The following CSMD1 variants were observed in gnomAD, a reference collection of about 807,000 sequenced individuals.
CSMD1 encodes the protein CUB and Sushi multiple domains 1, also known as CUB and sushi domain-containing protein 1.
In CSMD1, 213 loss-of-function variants were observed where a neutral mutation model predicts 417.5. The ratio of observed to expected loss-of-function variants is 0.51; its 90% confidence interval spans 0.46 to 0.57. The LOEUF is 0.57. Ranked by LOEUF, CSMD1 falls within the 20% of genes least tolerant of loss-of-function variation. CSMD1 has a pLI of 0.00. For missense variants in CSMD1, 6,923 were observed against 4,529.7 expected (o/e 1.53, Z -15.17); for synonymous variants, 2,862 against 1,736.8 (o/e 1.65, Z -16.11).
intron 1 of CSMD1, among the ~76,000 whole-genome samples, chr8:4,851,599 T>C (rs757602520): frequency 2.6e-5 from 4 of 152,134 alleles, no homozygotes; most frequent in Admixed American, 6.5e-5. Context: ...CAATAGCCTA[T>C]CCAACTCCAT....
rs372715006 is a variant in CSMD1, at chr8:4,191,076, T to C, written c.416-158977A>G. ...TTTACCTATGTAACTAAGATACACA[T>C]GGATTAAAATAAAATAAAAGTTGAA... is the stretch of plus-strand genomic sequence containing the variant. On this transcript the variant is annotated intron_variant, in intron 3 of 69. Transcript: ENST00000635120. 5.4e-5 allele frequency among the ~76,000 whole-genome samples: 8 copies of C among 147,892 alleles called. No individual in the cohort carries two copies. In the East Asian group the frequency reaches 1.2e-3, roughly 21 times the overall value.
chr8:3,009,873 GT>G (rs1808248998), intron 52 of CSMD1, among the ~76,000 whole-genome samples: 1 of 152,200 alleles, frequency 6.6e-6, no homozygotes, highest in Admixed American at 6.5e-5. Flanking sequence ...ACACATCTTA[GT>G]GAATGACAGC....
chr8:3,269,391 C>T lies in CSMD1; in HGVS notation c.4153+14753G>A, dbSNP rs550516539. Among the ~76,000 whole-genome samples the T allele has an allele frequency of 1.1e-4, 16 of 152,366 alleles. No homozygotes were observed. The South Asian group carries it at 2.7e-3, about 26-fold the overall frequency. On this transcript the variant is annotated intron_variant, in intron 26 of 69. Coordinates refer to ENST00000635120, the MANE Select transcript of CSMD1 (RefSeq NM_033225.6). The stretch of plus-strand genomic sequence containing the variant: ...AGAGAAACTTGGACCATCAACCACA[C>T]AGGCTTACGGCTGGTTTTCTCCCAT...
chr8:4,044,613 T>C (rs1212265326), intron 3 of CSMD1, among the ~76,000 whole-genome samples: 1 of 152,140 alleles, frequency 6.6e-6, no homozygotes, highest in Non-Finnish European at 1.5e-5. Flanking sequence ...TTTTCTTCTC[T>C]CGTGCAATAA....
At chr8:4,537,876 T>A (rs892761582) in intron 2 of CSMD1, among the ~76,000 whole-genome samples, 1 of 152,200 alleles carries the variant, frequency 6.6e-6, no homozygotes, top group Non-Finnish European at 1.5e-5. Flanking sequence ...ACATAGGATT[T>A]AGAATGCTTA....
intron 3 of CSMD1, among the ~76,000 whole-genome samples, chr8:4,340,843 G>T (rs1035953549): frequency 6.6e-6 from 1 of 151,976 alleles, no homozygotes; most frequent in Non-Finnish European, 1.5e-5. Context: ...TTATTTGGTT[G>T]CTAATTACAC....
intron 1 of CSMD1, among the ~76,000 whole-genome samples, chr8:4,881,793 A>T (rs1803419756): frequency 6.6e-6 from 1 of 152,034 alleles, no homozygotes; most frequent in Non-Finnish European, 1.5e-5. Flanking sequence ...CACAAACTGC[A>T]TGGAATAAGA....
intron 48 of CSMD1, among the ~76,000 whole-genome samples, chr8:3,088,183 C>G (rs1362504695): frequency 6.6e-6 from 1 of 152,192 alleles, no homozygotes; most frequent in Admixed American, 6.5e-5. Context: ...TTTACCCACA[C>G]AGAATGTCAT....
chr8:4,686,996 A>G (rs1430561757), intron 1 of CSMD1, among the ~76,000 whole-genome samples: 2 of 152,224 alleles, frequency 1.3e-5, no homozygotes, highest in Non-Finnish European at 2.9e-5. Flanking sequence ...AAGACCACTC[A>G]TGATGCTGGC....
At chr8:3,383,343 T>C (rs150270496) in intron 18 of CSMD1, among the ~76,000 whole-genome samples, 2 of 152,322 alleles carry the variant, frequency 1.3e-5, no homozygotes, top group African/African-American at 4.8e-5. Flanking sequence ...ATGTCTTCAT[T>C]ACTCTGAACG....
intron 3 of CSMD1, among the ~76,000 whole-genome samples, chr8:4,414,190 C>T (rs557531531): frequency 6.6e-6 from 1 of 152,270 alleles, no homozygotes; most frequent in East Asian, 1.9e-4. Context: ...GCTGCTCTTT[C>T]TAAATCCAGA....
intron 50 of CSMD1, among the ~76,000 whole-genome samples, chr8:3,036,565 G>T (rs1281562716): frequency 6.6e-6 from 1 of 152,106 alleles, no homozygotes; most frequent in Non-Finnish European, 1.5e-5. Flanking sequence ...CTAAAGCAAA[G>T]TGTGCAGTCT....
intron 3 of CSMD1, among the ~76,000 whole-genome samples, chr8:4,411,274 TG>T (rs1796637827): frequency 6.6e-6 from 1 of 152,198 alleles, no homozygotes; most frequent in Admixed American, 6.6e-5. Context: ...ATGGGCTCTA[TG>T]GAGTTAACTT....
At chr8:3,243,021 C>T (rs1218671578) in intron 26 of CSMD1, among the ~76,000 whole-genome samples, 1 of 151,866 alleles carries the variant, frequency 6.6e-6, no homozygotes, top group Non-Finnish European at 1.5e-5. Flanking sequence ...TTTGAGTCCA[C>T]GGATAAAACG....
chr8:4,144,329 A>G (rs1803979820), intron 3 of CSMD1, among the ~76,000 whole-genome samples: 1 of 151,152 alleles, frequency 6.6e-6, no homozygotes, highest in African/African-American at 2.5e-5. Flanking sequence ...GGCCATATTC[A>G]TTCTACTTCT....
At chr8:4,040,593 G>C (rs915196791) in intron 3 of CSMD1, among the ~76,000 whole-genome samples, 6 of 152,204 alleles carry the variant, frequency 3.9e-5, no homozygotes, top group Admixed American at 6.5e-5. Context: ...ATAATAACAT[G>C]CATATATGGA....
chr8:3,631,916 C>T (rs958758589), intron 7 of CSMD1, among the ~76,000 whole-genome samples: 3 of 152,168 alleles, frequency 2.0e-5, no homozygotes, highest in Non-Finnish European at 4.4e-5. Context: ...CGAAGCAAAA[C>T]CCCCCAGATC....
chr8:3,774,063 A>T (rs1235318173), intron 5 of CSMD1, among the ~76,000 whole-genome samples: 1 of 152,150 alleles, frequency 6.6e-6, no homozygotes, highest in Non-Finnish European at 1.5e-5. Context: ...TATTTTCCTA[A>T]AATACAGGCT....
At chr8:3,542,175 C>T (rs1349169865) in intron 10 of CSMD1, among the ~76,000 whole-genome samples, 2 of 152,148 alleles carry the variant, frequency 1.3e-5, no homozygotes, top group Admixed American at 1.3e-4. Flanking sequence ...TACTTCAAAA[C>T]TAAGAGTCTT....
Sources: allele counts gnomAD v4.1 joint callset (sites outside exome capture counted in the v4.1 genomes callset), GRCh38; gene constraint gnomAD v4.1.1; transcripts MANE v1.5; gene names NCBI Gene and HGNC (gene_info 2026-07-23, HGNC 2026-07-21).